The following ELP6 variants were observed in gnomAD, a reference collection of about 807,000 sequenced individuals.
ELP6 encodes elongator complex protein 6.
ELP6 carries 23 observed loss-of-function variants against 28.1 expected under a neutral mutation model. The observed-to-expected ratio is 0.82, with a 90% CI of 0.59 to 1.16. ELP6 has a LOEUF of 1.16. Ranked by LOEUF, ELP6 falls within the 50% of genes most tolerant of loss-of-function variation. The pLI is 0.00. For synonymous variants in ELP6, 132 were observed against 135.8 expected (o/e 0.97, Z 0.19); for missense variants, 313 against 334.6 (o/e 0.94, Z 0.50).
In ELP6 at chr3:47,511,203, A is replaced by C; in HGVS notation, c.78T>G (p.Asp26Glu). Residue 26 changes from aspartate (D) to glutamate (E), a missense_variant, in exon 2 of 7, where the codon GAT (aspartate) becomes GAG (glutamate). Transcript: ENST00000296149. ...AEQGKLTLLC[D>E]AKTDGSFLVH... ...CAAGGAAACTCCCATCTGTCTTGGC[A>C]TCACAGAGTAGAGTCAGTTTCCCCT... The C allele has an allele frequency of 6.2e-7, 1 of 1,614,158 alleles. No individual in the cohort carries two copies. Among genetic ancestry groups the C allele is most frequent in the Non-Finnish European group, 8.5e-7 (1 of 1,180,014 alleles).
In ELP6 at chr3:47,498,564, C is replaced by G. The variant is rs973690871; in HGVS notation, c.526-132G>C. ...ATCACCCTCCCTGCTGCTGCTACAGCCAGCCCCTACCTGTGCTCCCAGACC... is the reference window on the plus strand; with the variant it reads ...ATCACCCTCCCTGCTGCTGCTACAGGCAGCCCCTACCTGTGCTCCCAGACC... On this transcript the variant is annotated intron_variant, in intron 5 of 6. Coordinates refer to ENST00000296149, the MANE Select transcript of ELP6 (RefSeq NM_001031703.3). 4 of 1,508,482 alleles carry G rather than the reference C, an allele frequency of 2.7e-6. No homozygotes were observed. In the African/African-American group the frequency reaches 5.5e-5, roughly 21 times the overall value. The allele number at this position is 1,508,482 out of a possible 1,614,324, so 93.4% of individuals were successfully genotyped here.
At chr3:47,496,778 G>A in intron 6 of ELP6, 1 of 985,232 alleles carries the variant, frequency 1.0e-6, no homozygotes, top group Non-Finnish European at 1.2e-6. Context: ...ACAGGCGTGA[G>A]CCACTGTGCC....
In ELP6 at chr3:47,501,630, G is replaced by A. The variant is rs766818376; in HGVS notation, c.525+20C>T. The A allele has an allele frequency of 4.3e-6, 7 of 1,612,756 alleles. No homozygotes were observed. ...CTTGGAGGTCACAGGTGGGCGCAGA[G>A]AAGGCAGTTCCATGAGTACCTTTAG... is the stretch of plus-strand genomic sequence containing the variant. On this transcript the variant is annotated intron_variant, in intron 5 of 6. Transcript: ENST00000296149.
At chr3:47,503,527 C>A (rs202058981) in intron 4 of ELP6, 3 of 804,982 alleles carry the variant, frequency 3.7e-6, no homozygotes, top group African/African-American at 1.8e-5. Flanking sequence ...TGCTGTAGTG[C>A]AAAAACAGCC....
intron 5 of ELP6, among the ~76,000 whole-genome samples, chr3:47,501,098 T>C (rs1169468007): frequency 6.6e-6 from 1 of 152,236 alleles, no homozygotes; most frequent in African/African-American, 2.4e-5. Flanking sequence ...TTAAGTGCAG[T>C]AGTATTTACA....
intron 6 of ELP6, 109 bp from the exon 7 acceptor site, chr3:47,496,306 A>C (rs1014475987): frequency 2.8e-6 from 4 of 1,454,342 alleles, no homozygotes; most frequent in Non-Finnish European, 3.6e-6. Context: ...CTATGAGATG[A>C]TAGTCAGATG....
intron 4 of ELP6, among the ~76,000 whole-genome samples, chr3:47,503,663 G>A (rs978529174): frequency 5.3e-5 from 8 of 152,118 alleles, no homozygotes; most frequent in African/African-American, 1.9e-4. Flanking sequence ...AGCACTTTGG[G>A]AGGCCGAGGC....
Position 47,511,145 on chromosome 3 carries a change from T to C in ELP6, c.133+3A>G, listed in dbSNP as rs753195680. The C allele has an allele frequency of 3.7e-6, 6 of 1,613,328 alleles. No homozygotes were observed. In the African/African-American group the frequency reaches 4.0e-5, roughly 11 times the overall value. On this transcript the variant is annotated splice_donor_region_variant and intron_variant, in intron 2 of 6. Transcript: ENST00000296149. ...TTTTCTACAGCATCAATGAGTCCCA[T>C]ACCTTTGAGATAGAAGGAGAGAAAG...
intron 3 of ELP6, among the ~76,000 whole-genome samples, chr3:47,505,916 C>T (rs1029053289): frequency 2.6e-5 from 4 of 152,134 alleles, no homozygotes; most frequent in African/African-American, 7.2e-5. Context: ...CCATACTGAC[C>T]AGGCTGGTCT....
intron 5 of ELP6, chr3:47,499,739 A>G (rs1708588166): frequency 1.5e-5 from 15 of 1,008,812 alleles, no homozygotes; most frequent in Non-Finnish European, 1.7e-5. Context: ...AAGAAAAAGA[A>G]TAAGTGGCTC....
chr3:47,501,972 CA>C lies in ELP6; in HGVS notation c.324-122del, dbSNP rs1222928834. On this transcript the variant is annotated intron_variant, in intron 4 of 6. Transcript: ENST00000296149. ...AGAACTGTATCACAATTCTTGGCAA[CA>C]AAGACTTCATGATCTGGTTAGAAAG... is the stretch of plus-strand genomic sequence containing the variant. The C allele has an allele frequency of 4.4e-6, 4 of 902,104 alleles. No homozygotes were observed. The African/African-American group carries it at 6.7e-5, about 15-fold the overall frequency. 55.9% of individuals were successfully genotyped at this position (902,104 alleles called of 1,614,324 possible).
chr3:47,511,840 T>C (rs1214222296), intron 1 of ELP6: 1 of 985,564 alleles, frequency 1.0e-6, no homozygotes, highest in East Asian at 1.1e-4. Context: ...TCTATTTCTG[T>C]CAGTGACAGG....
chr3:47,497,969 C>T, intron 6 of ELP6: 1 of 985,316 alleles, frequency 1.0e-6, no homozygotes, highest in Middle Eastern at 5.2e-4. Context: ...TAGACGACGC[C>T]TGCTGCAGTA....
chr3:47,504,298 T>C (rs1708759803), intron 4 of ELP6, 32 bp downstream of exon 4: 1 of 1,557,178 alleles, frequency 6.4e-7, no homozygotes, highest in Non-Finnish European at 8.7e-7. Context: ...CTGCCACGTG[T>C]TGCTTCCGGG....
chr3:47,511,519 T>G (rs1576352945), intron 1 of ELP6: 2 of 1,182,708 alleles, frequency 1.7e-6, no homozygotes, highest in East Asian at 1.0e-4. Flanking sequence ...CTCATGTTAG[T>G]CACTCAGGAA....
chr3:47,500,050 C>A, intron 5 of ELP6: 1 of 1,276,692 alleles, frequency 7.8e-7, no homozygotes, highest in African/African-American at 1.6e-5. Flanking sequence ...TGCTTTTGAG[C>A]AGAAAACCCT....
At chr3:47,502,367 G>A (rs1443298405) in intron 4 of ELP6, 1 of 956,784 alleles carries the variant, frequency 1.0e-6, no homozygotes, top group Non-Finnish European at 1.2e-6. Flanking sequence ...CCACGACTGA[G>A]ATCATCCCAC....
chr3:47,496,265 C>G, intron 6 of ELP6, 68 bp from the exon 7 acceptor site: 1 of 1,569,252 alleles, frequency 6.4e-7, no homozygotes, highest in Admixed American at 2.0e-5. Context: ...GAACCCCACC[C>G]TACCTTCTCT....
At chr3:47,498,853 A>G (rs1029001453) in intron 5 of ELP6, among the ~76,000 whole-genome samples, 4 of 152,238 alleles carry the variant, frequency 2.6e-5, no homozygotes, top group Non-Finnish European at 5.9e-5. Context: ...AGATGCTGAC[A>G]ATACAGAATG....
Sources: allele counts gnomAD v4.1 joint callset (sites outside exome capture counted in the v4.1 genomes callset), GRCh38; gene constraint gnomAD v4.1.1; transcripts MANE v1.5; gene names NCBI Gene and HGNC (gene_info 2026-07-23, HGNC 2026-07-21).